KIF13A: variants seen among roughly 807,000 people sequenced by gnomAD.
The protein encoded by KIF13A is kinesin-like protein KIF13A.
Under a neutral mutation model 212.2 loss-of-function variants are expected in KIF13A, and 79 were observed. That is an observed-to-expected ratio of 0.37 (90% confidence interval 0.31 to 0.45). The LOEUF is 0.45. Ranked by LOEUF, KIF13A falls within the 20% of genes least tolerant of loss-of-function variation. The pLI, the probability that KIF13A is intolerant of heterozygous loss-of-function variation, is 1.00. For synonymous variants in KIF13A, 789 were observed against 808.6 expected, an observed-to-expected ratio of 0.98 and a Z score of 0.41; for missense variants, 1,901 against 2,209.0, an observed-to-expected ratio of 0.86 and a Z score of 2.79.
intron 3 of KIF13A, among the ~76,000 whole-genome samples, chr6:17,874,216 C>T (rs78253986): frequency 0.05 from 7,649 of 151,848 alleles, 261 homozygotes; most frequent in Middle Eastern, 0.082. Flanking sequence ...TATTCCCATC[C>T]TGCACTCCTT....
intron 2 of KIF13A, among the ~76,000 whole-genome samples, chr6:17,978,583 T>G (rs1780794257): frequency 6.6e-6 from 1 of 152,250 alleles, no homozygotes; most frequent in African/African-American, 2.4e-5. Flanking sequence ...CTATTCTGTT[T>G]CCTTTGCAGG....
In KIF13A at chr6:17,934,373, A is replaced by T. The variant is rs948967358; in HGVS notation, c.147-36193T>A. On this transcript the variant is annotated intron_variant, in intron 2 of 38. Coordinates refer to ENST00000259711, the MANE Select transcript of KIF13A (RefSeq NM_022113.6). The surrounding 1 kb of genome is among the most constrained non-coding windows in gnomAD (Gnocchi z 5.4). ...GCGGCTGAACACCATCCCATTCCTA[A>T]TTAGGAACTTTCAACTCTCCCTATG... is the stretch of plus-strand genomic sequence containing the variant. Among the ~76,000 whole-genome samples the T allele has an allele frequency of 1.3e-5, 2 of 152,188 alleles. No individual in the cohort carries two copies. The highest frequency in any genetic ancestry group is 2.9e-5 in the Non-Finnish European group (2 of 68,030).
At chr6:17,973,127 G>A (rs1255871375) in intron 2 of KIF13A, among the ~76,000 whole-genome samples, 11 of 152,160 alleles carry the variant, frequency 7.2e-5, no homozygotes, top group African/African-American at 1.9e-4. Context: ...AACAAAACAC[G>A]ATGCCCAAGG....
At chr6:17,802,927 TTTTTGTTTTTTTTTGTTTTG>T (rs1372645325) in intron 20 of KIF13A, among the ~76,000 whole-genome samples, 2 of 135,294 alleles carry the variant, frequency 1.5e-5, no homozygotes, top group Non-Finnish European at 3.3e-5. Context: ...TTTTGTGTTT[TTTTTGTTTTTTTTTGTTTTG>T]TTTTGAGACA....
intron 2 of KIF13A, among the ~76,000 whole-genome samples, chr6:17,906,066 A>G (rs551930371): frequency 6.6e-6 from 1 of 152,354 alleles, no homozygotes; most frequent in African/African-American, 2.4e-5. Context: ...TCACAAGAAG[A>G]ATGCAAATTT....
chr6:17,944,589 C>G (rs2150560560), intron 2 of KIF13A, among the ~76,000 whole-genome samples: 1 of 152,258 alleles, frequency 6.6e-6, no homozygotes, highest in East Asian at 1.9e-4. Flanking sequence ...AATTAACTCC[C>G]CCTGTCTAAA....
At chr6:17,810,216 C>A (rs1209317896) in intron 17 of KIF13A, among the ~76,000 whole-genome samples, 1 of 152,190 alleles carries the variant, frequency 6.6e-6, no homozygotes, top group Non-Finnish European at 1.5e-5. Context: ...TGTGTTTTAT[C>A]ATATCCCTGG....
chr6:17,965,310 CATACA>C (rs367862500), intron 2 of KIF13A, among the ~76,000 whole-genome samples: 14,650 of 152,106 alleles, frequency 0.096, 887 homozygotes, highest in African/African-American at 0.17. Context: ...GTGTTGTTTC[CATACA>C]ACCATCTAGC....
chr6:17,947,126 T>C lies in KIF13A; in HGVS notation c.146+39928A>G, dbSNP rs935948521. Among the ~76,000 whole-genome samples the C allele has an allele frequency of 3.9e-5, 6 of 152,208 alleles. No individual in the cohort carries two copies. Among genetic ancestry groups the C allele is most frequent in the African/African-American group, 1.4e-4 (6 of 41,454 alleles). On this transcript the variant is annotated intron_variant, in intron 2 of 38. Transcript: ENST00000259711. This position sits in a 1 kb window ranked among gnomAD's most constrained non-coding sequence, Gnocchi z 4.6. ...AAACCAGGCAAATATAATATTAAAGTTGTTAAATTATAAAGAAAACTAAGG... is the reference window on the plus strand; with the variant it reads ...AAACCAGGCAAATATAATATTAAAGCTGTTAAATTATAAAGAAAACTAAGG...
intron 2 of KIF13A, among the ~76,000 whole-genome samples, chr6:17,944,932 T>C (rs1000456097): frequency 6.6e-6 from 1 of 152,116 alleles, no homozygotes; most frequent in Non-Finnish European, 1.5e-5. Flanking sequence ...TATACTAAAG[T>C]CGACAGCATT....
chr6:17,980,638 T>A (rs1349308664), intron 2 of KIF13A, among the ~76,000 whole-genome samples: 2 of 151,644 alleles, frequency 1.3e-5, no homozygotes, highest in African/African-American at 4.9e-5. Context: ...GATGCTAAAG[T>A]AATTAAGTAC....
rs1764846465 is a variant in KIF13A at position 17,825,043 on chromosome 6, G to A, written c.1786+725C>T. On this transcript the variant is annotated intron_variant, in intron 16 of 38. Coordinates refer to ENST00000259711, the MANE Select transcript of KIF13A (RefSeq NM_022113.6). This position sits in a 1 kb window ranked among gnomAD's most constrained non-coding sequence, Gnocchi z 4.5. Reference sequence around the variant, plus strand: ...TGGTAACAGGTGAACATTGCTTCTGGCTTCTAAGTCCCAGTCATCAAATCT... The same window carrying A: ...TGGTAACAGGTGAACATTGCTTCTGACTTCTAAGTCCCAGTCATCAAATCT... Among the ~76,000 whole-genome samples the A allele has an allele frequency of 1.3e-5, 2 of 152,136 alleles. No homozygotes were observed. Among genetic ancestry groups the A allele is most frequent in the African/African-American group, 4.8e-5 (2 of 41,440 alleles).
Position 17,768,209 on chromosome 6 carries a change from A to G in KIF13A, c.4581+2905T>C, listed in dbSNP as rs1759190539. On this transcript the variant is annotated intron_variant, in intron 38 of 38. Coordinates refer to ENST00000259711, the MANE Select transcript of KIF13A (RefSeq NM_022113.6). The surrounding 1 kb of genome is among the most constrained non-coding windows in gnomAD (Gnocchi z 5.4). ...TTCTCATCATAGCTTAAAGAAGAAT[A>G]AACTAAGCACCTTCCTACAATGTCT... Among the ~76,000 whole-genome samples, 1 of 152,186 alleles carries G rather than the reference A, an allele frequency of 6.6e-6. No individual in the cohort carries two copies. Among genetic ancestry groups the G allele is most frequent in the Non-Finnish European group, 1.5e-5 (1 of 68,034 alleles).
chr6:17,896,408 A>C (rs1018546882), intron 3 of KIF13A, among the ~76,000 whole-genome samples: 3 of 152,006 alleles, frequency 2.0e-5, no homozygotes, highest in African/African-American at 7.2e-5. Context: ...TTCTTACATA[A>C]TCATCATTAA....
At chr6:17,863,637 G>A (rs1769068965) in intron 4 of KIF13A, among the ~76,000 whole-genome samples, 1 of 152,160 alleles carries the variant, frequency 6.6e-6, no homozygotes, top group Non-Finnish European at 1.5e-5. Flanking sequence ...CACTATGACT[G>A]TTGATACAGT....
chr6:17,761,732 A>G (rs1457283772), downstream of KIF13A, among the ~76,000 whole-genome samples: 1 of 152,194 alleles, frequency 6.6e-6, no homozygotes, highest in Non-Finnish European at 1.5e-5. Context: ...ATCTTGATAT[A>G]ACATGTTTGT....
chr6:17,828,186 CCTT>C lies in KIF13A; in HGVS notation c.1532+51_1532+53del. ...AGCAAACAGAAAGAGGCAGCCTTCT[CCTT>C]CTGAAAATAAGGCACACAAGACACG... On this transcript the variant is annotated intron_variant, in intron 14 of 38. Coordinates refer to ENST00000259711, the MANE Select transcript of KIF13A (RefSeq NM_022113.6). This position sits in a 1 kb window ranked among gnomAD's most constrained non-coding sequence, Gnocchi z 4.3. The C allele has an allele frequency of 1.3e-6, 2 of 1,561,800 alleles. No homozygotes were observed. Among genetic ancestry groups the C allele is most frequent in the South Asian group, 1.2e-5 (1 of 83,808 alleles).
chr6:17,802,326 T>C (rs1187916398), intron 20 of KIF13A, among the ~76,000 whole-genome samples: 4 of 151,690 alleles, frequency 2.6e-5, no homozygotes, highest in Non-Finnish European at 5.9e-5. Context: ...AGTTTCGCTC[T>C]TGTTGCCCAG....
rs1241682522 is a variant in KIF13A at position 17,968,759 on chromosome 6, T to C, written c.146+18295A>G. On this transcript the variant is annotated intron_variant, in intron 2 of 38. Coordinates refer to ENST00000259711, the MANE Select transcript of KIF13A (RefSeq NM_022113.6). This position sits in a 1 kb window ranked among gnomAD's most constrained non-coding sequence, Gnocchi z 4.7. ...AAAGCTGTAAGGGTCCAGAGCTACA[T>C]TTGTACTGCCATTACCCCCAAAAGC... is the stretch of plus-strand genomic sequence containing the variant. 6.6e-6 allele frequency among the ~76,000 whole-genome samples: 1 copy of C among 152,158 alleles called. No homozygotes were observed. The highest frequency in any genetic ancestry group is 1.5e-5 in the Non-Finnish European group (1 of 68,032).
Sources: allele counts gnomAD v4.1 joint callset (sites outside exome capture counted in the v4.1 genomes callset), GRCh38; gene constraint gnomAD v4.1.1; non-coding constraint Gnocchi (gnomAD v3.1); transcripts MANE v1.5; gene names NCBI Gene and HGNC (gene_info 2026-07-23, HGNC 2026-07-21).